Variants in GNG7 observed in about 807,000 individuals in gnomAD.
GNG7 encodes the protein G protein subunit gamma 7, also known as guanine nucleotide-binding protein G(I)/G(S)/G(O) subunit gamma-7.
In GNG7, 1 loss-of-function variant was observed where a neutral mutation model predicts 4.0. That is an observed-to-expected ratio of 0.25 (90% CI 0.09 to 1.18). The LOEUF is 1.18. GNG7 is among the 50% of genes most tolerant of loss of function. The pLI is 0.50. For missense variants in GNG7, 86 were observed against 91.9 expected (o/e 0.94, Z 0.26); for synonymous variants, 34 against 36.9 (o/e 0.92, Z 0.29).
At chr19:2,533,027 A>G (rs1270264904) in intron 3 of GNG7, among the ~76,000 whole-genome samples, 1 of 152,106 alleles carries the variant, frequency 6.6e-6, no homozygotes, top group Non-Finnish European at 1.5e-5. Flanking sequence ...TAACAGCAAA[A>G]CCTGGAAACA....
intron 2 of GNG7, among the ~76,000 whole-genome samples, chr19:2,586,060 A>AT (rs1221365335): frequency 1.3e-5 from 2 of 152,136 alleles, no homozygotes; most frequent in East Asian, 1.9e-4. Context: ...TTTCTGAAAT[A>AT]TTTTTTCAGC....
intron 3 of GNG7, among the ~76,000 whole-genome samples, chr19:2,554,697 G>C (rs954130802): frequency 1.3e-5 from 2 of 151,782 alleles, no homozygotes; most frequent in Non-Finnish European, 2.9e-5. Context: ...TGGGATTACA[G>C]GCACCTGCCA....
At chr19:2,590,121 C>A (rs1980794636) in intron 2 of GNG7, among the ~76,000 whole-genome samples, 1 of 152,092 alleles carries the variant, frequency 6.6e-6, no homozygotes, top group Non-Finnish European at 1.5e-5. Context: ...GCCTTTATAG[C>A]ATATAATTTT....
At chr19:2,553,610 A>C (rs1979419128) in intron 3 of GNG7, among the ~76,000 whole-genome samples, 1 of 146,818 alleles carries the variant, frequency 6.8e-6, no homozygotes. Flanking sequence ...GCAATATATC[A>C]TACTACATAC....
chr19:2,534,431 A>C (rs1978677525), intron 3 of GNG7, among the ~76,000 whole-genome samples: 1 of 152,206 alleles, frequency 6.6e-6, no homozygotes, highest in Admixed American at 6.5e-5. Flanking sequence ...TCAAGTGCAA[A>C]AATCAAGGCT....
intron 3 of GNG7, among the ~76,000 whole-genome samples, chr19:2,530,953 G>C (rs558788208): frequency 6.6e-6 from 1 of 152,246 alleles, no homozygotes; most frequent in Non-Finnish European, 1.5e-5. Context: ...CCTGAGGAGA[G>C]AAGGCTTGGT....
intron 2 of GNG7, among the ~76,000 whole-genome samples, chr19:2,598,007 TAGGAA>T (rs1981078166): frequency 2.0e-5 from 3 of 152,148 alleles, no homozygotes; most frequent in East Asian, 3.9e-4. Context: ...TGTGCATGTG[TAGGAA>T]AAGTCTAGGG....
At chr19:2,657,354 AAAAAAAAATATATATATATATATATAT>A (rs1402740389) in intron 1 of GNG7, among the ~76,000 whole-genome samples, 1 of 21,866 alleles carries the variant, frequency 4.6e-5, no homozygotes, top group African/African-American at 1.1e-4. Flanking sequence ...AAAAAAAAAA[AAAAAAAAATATATATATATATATATAT>A]ATATATATAT....
At chr19:2,664,108 G>A (rs1983244676) in intron 1 of GNG7, among the ~76,000 whole-genome samples, 2 of 152,198 alleles carry the variant, frequency 1.3e-5, no homozygotes, top group South Asian at 4.1e-4. Context: ...CCGCCCCCCA[G>A]GCCCGGCTGC....
intron 2 of GNG7, among the ~76,000 whole-genome samples, chr19:2,621,613 C>G (rs1285433329): frequency 6.6e-6 from 1 of 151,910 alleles, no homozygotes; most frequent in African/African-American, 2.4e-5. Flanking sequence ...AGGAGAATTG[C>G]TTGAACCTGG....
intron 3 of GNG7, among the ~76,000 whole-genome samples, chr19:2,531,044 G>A (rs965971343): frequency 1.3e-5 from 2 of 152,132 alleles, no homozygotes; most frequent in African/African-American, 4.8e-5. Flanking sequence ...AGTGGCTCAC[G>A]CCTGGAATCC....
At chr19:2,679,446 C>T (rs1599458355) in intron 1 of GNG7, among the ~76,000 whole-genome samples, 1 of 152,124 alleles carries the variant, frequency 6.6e-6, no homozygotes, top group East Asian at 1.9e-4. Context: ...AGGTCACAGC[C>T]TCGTAGTCCA....
chr19:2,612,165 G>A (rs1465515015), intron 2 of GNG7, among the ~76,000 whole-genome samples: 3 of 152,180 alleles, frequency 2.0e-5, no homozygotes, highest in Non-Finnish European at 2.9e-5. Flanking sequence ...GAGCCAGCGC[G>A]CCCGGCCAAA....
intron 2 of GNG7, among the ~76,000 whole-genome samples, chr19:2,589,934 C>T (rs1300759192): frequency 2.0e-5 from 3 of 152,322 alleles, no homozygotes; most frequent in African/African-American, 7.2e-5. Context: ...ACCTCAGCCT[C>T]CCGAGTAGCT....
Position 2,514,835 on chromosome 19 carries a change from C to T in GNG7, c.*187G>A. The stretch of plus-strand genomic sequence containing the variant: ...TCCACCTACAAGGTCCATTCTACCC[C>T]ATCCGGGCGGTGGGAACGCCTTTTT... On this transcript the variant is annotated 3_prime_UTR_variant, in exon 5 of 5. Transcript: ENST00000382159. The T allele has an allele frequency of 3.6e-6, 2 of 554,962 alleles. No homozygotes were observed. The highest frequency in any genetic ancestry group is 6.4e-6 in the Non-Finnish European group (2 of 310,604). The allele number at this position is 554,962 out of a possible 1,614,324, so 34.4% of individuals were successfully genotyped here.
chr19:2,580,049 C>T (rs1980457221), intron 2 of GNG7, among the ~76,000 whole-genome samples: 1 of 152,118 alleles, frequency 6.6e-6, no homozygotes, highest in African/African-American at 2.4e-5. Context: ...CATTGCACCC[C>T]CCCAGTGCCA....
intron 2 of GNG7, chr19:2,610,185 G>C (rs892660333): frequency 7.3e-5 from 11 of 151,514 alleles, no homozygotes; most frequent in Admixed American, 2.0e-4. Flanking sequence ...TTTGGAGACA[G>C]GGTCTCACCC....
intron 4 of GNG7, among the ~76,000 whole-genome samples, chr19:2,519,146 CTTTTTTTTTTTT>C (rs71178282): frequency 1.2e-5 from 1 of 84,540 alleles, no homozygotes. Context: ...TTTCTTGTTT[CTTTTTTTTTTTT>C]TTTTTTTTTT....
intron 2 of GNG7, among the ~76,000 whole-genome samples, chr19:2,559,153 T>C (rs1015719786): frequency 1.6e-4 from 23 of 145,184 alleles, no homozygotes; most frequent in African/African-American, 4.8e-4. Flanking sequence ...CACACACACA[T>C]ATATATACAT....
Sources: allele counts gnomAD v4.1 joint callset (sites outside exome capture counted in the v4.1 genomes callset), GRCh38; gene constraint gnomAD v4.1.1; transcripts MANE v1.5; gene names NCBI Gene and HGNC (gene_info 2026-07-23, HGNC 2026-07-21).